NARS2: variants seen among roughly 807,000 people sequenced by gnomAD.
The protein encoded by NARS2 is asparaginyl-tRNA synthetase.
A neutral mutation model predicts 62.9 loss-of-function variants in NARS2; 60 were observed. That is an observed-to-expected ratio of 0.95 (90% confidence interval 0.77 to 1.18). NARS2 has a LOEUF of 1.18. Ranked by LOEUF, NARS2 falls within the 50% of genes most tolerant of loss-of-function variation. The pLI, the probability that NARS2 is intolerant of heterozygous loss-of-function variation, is 0.00. For synonymous variants in NARS2, 196 were observed against 200.0 expected, an observed-to-expected ratio of 0.98 and a Z score of 0.17; for missense variants, 619 against 576.4, an observed-to-expected ratio of 1.07 and a Z score of -0.76.
At chr11:78,523,265 A>G (rs1861191577) in intron 6 of NARS2, among the ~76,000 whole-genome samples, 1 of 152,070 alleles carries the variant, frequency 6.6e-6, no homozygotes, top group South Asian at 2.1e-4. Flanking sequence ...TCAAAACCAT[A>G]ATGAGATACT....
At chr11:78,462,697 T>A (rs1164669029) in intron 11 of NARS2, among the ~76,000 whole-genome samples, 1 of 152,220 alleles carries the variant, frequency 6.6e-6, no homozygotes, top group Non-Finnish European at 1.5e-5. Context: ...AACAAGCTTC[T>A]AAGCAAAGTT....
intron 6 of NARS2, among the ~76,000 whole-genome samples, chr11:78,503,967 C>T (rs1279030944): frequency 6.6e-6 from 1 of 152,110 alleles, no homozygotes; most frequent in African/African-American, 2.4e-5. Flanking sequence ...ATACAAAAGG[C>T]AGAGAAACTC....
rs764254167 is a variant in NARS2 at position 78,468,310 on chromosome 11, G to GAAAAAAAAAAAAAAAAA, written c.1026+920_1026+936dup. Among the ~76,000 whole-genome samples the GAAAAAAAAAAAAAAAAA allele has an allele frequency of 4.6e-4, 31 of 67,406 alleles. 1 individual carries two copies. The highest frequency in any genetic ancestry group is 1.8e-3 in the African/African-American group (31 of 17,046). 44.2% of individuals were successfully genotyped at this position (67,406 alleles called of 152,430 possible). A position where few individuals can be genotyped will look rare whatever the true frequency, so the allele number is the denominator to read the frequency against. ...ACCTGCTTCTGCAAGCACTAAATCT[G>GAAAAAAAAAAAAAAAAA]AAAAAAAAAAAAAAAAAAGAAAAAA... On this transcript the variant is annotated intron_variant, in intron 10 of 13. Coordinates refer to ENST00000281038, the MANE Select transcript of NARS2 (RefSeq NM_024678.6).
chr11:78,526,924 C>T lies in NARS2; in HGVS notation c.689+1918G>A, dbSNP rs186703273. Among the ~76,000 whole-genome samples, 13 of 152,232 alleles carry T rather than the reference C, an allele frequency of 8.5e-5. 1 individual carries two copies. The East Asian group carries it at 2.5e-3, about 29-fold the overall frequency. On this transcript the variant is annotated intron_variant, in intron 6 of 13. Coordinates refer to ENST00000281038, the MANE Select transcript of NARS2 (RefSeq NM_024678.6). Reference sequence around the variant, plus strand: ...GCTGTAGCCTTAAAAAGGTGATGTCCTTTCAAGGTATTACACAATGAGGGG... The same window carrying T: ...GCTGTAGCCTTAAAAAGGTGATGTCTTTTCAAGGTATTACACAATGAGGGG...
At chr11:78,463,898 G>A (rs1418239144) in intron 11 of NARS2, among the ~76,000 whole-genome samples, 4 of 152,050 alleles carry the variant, frequency 2.6e-5, no homozygotes, top group Non-Finnish European at 4.4e-5. Context: ...AACCAAAGCA[G>A]TCTAAGCCTC....
At chr11:78,558,882 C>G (rs149263338) in intron 5 of NARS2, among the ~76,000 whole-genome samples, 5 of 152,142 alleles carry the variant, frequency 3.3e-5, no homozygotes, top group African/African-American at 2.4e-5. Context: ...ATATGACTTA[C>G]GTCCACAAAT....
At chr11:78,524,612 T>C (rs768738241) in intron 6 of NARS2, among the ~76,000 whole-genome samples, 1 of 152,196 alleles carries the variant, frequency 6.6e-6, no homozygotes, top group East Asian at 1.9e-4. Flanking sequence ...AAATCTCTCT[T>C]GGAATGAACT....
chr11:78,490,968 T>C (rs1422057578), intron 7 of NARS2, among the ~76,000 whole-genome samples: 1 of 152,164 alleles, frequency 6.6e-6, no homozygotes, highest in African/African-American at 2.4e-5. Flanking sequence ...CTCAATGTTT[T>C]TACTAATATA....
chr11:78,522,021 A>T (rs897816317), intron 6 of NARS2, among the ~76,000 whole-genome samples: 5 of 151,966 alleles, frequency 3.3e-5, no homozygotes, highest in African/African-American at 1.2e-4. Context: ...TGGCATAATC[A>T]TAGCTTACTG....
intron 6 of NARS2, among the ~76,000 whole-genome samples, chr11:78,523,811 G>T (rs1374666843): frequency 6.6e-6 from 1 of 152,062 alleles, no homozygotes; most frequent in Non-Finnish European, 1.5e-5. Context: ...CAGGGGTGGG[G>T]GCAAAGAAGA....
At chr11:78,565,702 G>C (rs1245155686) in intron 4 of NARS2, among the ~76,000 whole-genome samples, 1 of 152,170 alleles carries the variant, frequency 6.6e-6, no homozygotes, top group Non-Finnish European at 1.5e-5. Context: ...AAAAAGATTA[G>C]AGAAAACAGT....
chr11:78,443,924 C>A lies in NARS2; in HGVS notation c.1165-166G>T, dbSNP rs1857662003. On this transcript the variant is annotated intron_variant, in intron 11 of 13. Coordinates refer to ENST00000281038, the MANE Select transcript of NARS2 (RefSeq NM_024678.6). ...AGTGGACAATTTCCTCTCTCTTGCA[C>A]CATTTGTGTAGTATACTGAACACAA... The A allele has an allele frequency of 5.4e-6, 3 of 552,610 alleles. No individual in the cohort carries two copies. In the South Asian group the frequency reaches 6.6e-5, roughly 12 times the overall value. 34.2% of individuals were successfully genotyped at this position (552,610 alleles called of 1,614,324 possible). A position where few individuals can be genotyped will look rare whatever the true frequency, so the allele number is the denominator to read the frequency against.
intron 11 of NARS2, among the ~76,000 whole-genome samples, chr11:78,445,482 G>A (rs1404714774): frequency 6.6e-6 from 1 of 152,132 alleles, no homozygotes; most frequent in Non-Finnish European, 1.5e-5. Context: ...TTAGCCAAGT[G>A]CAGTGGCGCA....
intron 5 of NARS2, among the ~76,000 whole-genome samples, chr11:78,539,721 C>G (rs1237635495): frequency 2.0e-5 from 3 of 152,160 alleles, no homozygotes; most frequent in South Asian, 4.1e-4. Flanking sequence ...GATAGTGTTC[C>G]CTAGAAAATA....
chr11:78,469,158 A>G, intron 10 of NARS2, 89 bp downstream of exon 10: 2 of 875,404 alleles, frequency 2.3e-6, no homozygotes, highest in Admixed American at 3.9e-5. Flanking sequence ...GAGAATTAAG[A>G]TGATTTTGAA....
intron 11 of NARS2, among the ~76,000 whole-genome samples, chr11:78,452,567 C>T (rs181385515): frequency 1.3e-5 from 2 of 151,998 alleles, no homozygotes; most frequent in Admixed American, 6.6e-5. Context: ...GGTTACCACA[C>T]CAGGTTAATA....
chr11:78,506,930 A>C (rs956611430), intron 6 of NARS2, among the ~76,000 whole-genome samples: 1 of 152,136 alleles, frequency 6.6e-6, no homozygotes, highest in African/African-American at 2.4e-5. Context: ...GTTTTGGTCA[A>C]TTTCAGCTCT....
chr11:78,460,232 C>A (rs560299771), intron 11 of NARS2, among the ~76,000 whole-genome samples: 3 of 151,276 alleles, frequency 2.0e-5, no homozygotes, highest in Non-Finnish European at 4.4e-5. Context: ...AGGGAGGCCA[C>A]TGAATGGCTT....
At chr11:78,505,180 G>A (rs1318930594) in intron 6 of NARS2, among the ~76,000 whole-genome samples, 1 of 151,762 alleles carries the variant, frequency 6.6e-6, no homozygotes, top group East Asian at 1.9e-4. Flanking sequence ...AACAGTTTGG[G>A]AGACTGAGGA....
Sources: gnomAD v4.1 joint callset for allele counts (sites outside exome capture counted in the v4.1 genomes callset) on GRCh38, gnomAD v4.1.1 for gene constraint, MANE v1.5 for transcripts, NCBI Gene and HGNC (gene_info 2026-07-23, HGNC 2026-07-21) for gene names.